Variants in RANBP2 observed in about 807,000 individuals in gnomAD.
RANBP2 encodes RAN binding protein 2.
RANBP2 carries 57 observed loss-of-function variants against 303.6 expected under a neutral mutation model. That is an observed-to-expected ratio of 0.19 (90% CI 0.15 to 0.23). The LOEUF (loss-of-function observed/expected upper bound fraction) is 0.23. Ranked by LOEUF, RANBP2 falls within the 10% of genes least tolerant of loss-of-function variation. RANBP2 has a pLI of 1.00. For synonymous variants in RANBP2, 1,167 were observed against 1,301.5 expected (o/e 0.90, Z 2.23); for missense variants, 3,138 against 3,780.8 (o/e 0.83, Z 4.46).
At chr2:109,761,011 G>T in the RANBP2 span, among the ~76,000 whole-genome samples, 1 of 136,578 alleles carries the variant, frequency 7.3e-6, no homozygotes, top group African/African-American at 2.8e-5. Flanking sequence ...CCCAGCCCAG[G>T]GACTGGTGAT....
the RANBP2 span, among the ~76,000 whole-genome samples, chr2:109,266,449 G>A: frequency 1.3e-5 from 2 of 152,148 alleles, no homozygotes; most frequent in Non-Finnish European, 2.9e-5. Context: ...CTTGACAAGG[G>A]ACACCTATGT....
chr2:109,673,942 A>AT, the RANBP2 span, among the ~76,000 whole-genome samples: 3 of 151,712 alleles, frequency 2.0e-5, no homozygotes, highest in African/African-American at 7.3e-5. Flanking sequence ...TTTAATTTGC[A>AT]TTTTTCTGAA....
the RANBP2 span, among the ~76,000 whole-genome samples, chr2:109,224,968 C>A: frequency 1.3e-5 from 2 of 152,128 alleles, no homozygotes; most frequent in African/African-American, 4.8e-5. Flanking sequence ...ATAACCTTAT[C>A]TTTTTAAAAA....
At chr2:109,608,784 A>C in the RANBP2 span, among the ~76,000 whole-genome samples, 1 of 152,246 alleles carries the variant, frequency 6.6e-6, no homozygotes, top group South Asian at 2.1e-4. Context: ...AAAAAAATTA[A>C]ATTTTCTAAA....
chr2:108,899,960 T>C, the RANBP2 span, among the ~76,000 whole-genome samples: 1 of 152,074 alleles, frequency 6.6e-6, no homozygotes, highest in African/African-American at 2.4e-5. Flanking sequence ...CTCTCCAACC[T>C]GGGTGGCAGA....
chr2:108,972,537 G>GA, the RANBP2 span, among the ~76,000 whole-genome samples: 2 of 152,222 alleles, frequency 1.3e-5, no homozygotes, highest in East Asian at 3.8e-4. Context: ...GGCAGCCTAG[G>GA]AAAAAAGAGA....
At chr2:108,828,084 A>G in the RANBP2 span, among the ~76,000 whole-genome samples, 1 of 152,138 alleles carries the variant, frequency 6.6e-6, no homozygotes, top group East Asian at 1.9e-4. Flanking sequence ...AATAGGAATT[A>G]TTTCATAAAT....
chr2:109,604,379 A>ATGGAAG, the RANBP2 span, among the ~76,000 whole-genome samples: 1 of 25,894 alleles, frequency 3.9e-5, no homozygotes, highest in East Asian at 8.8e-4. Flanking sequence ...AAAGAAGGGA[A>ATGGAAG]GGGAAGGGGA....
chr2:108,726,015 G>A (rs187777059), intron 1 of RANBP2, among the ~76,000 whole-genome samples: 11 of 152,090 alleles, frequency 7.2e-5, no homozygotes, highest in Middle Eastern at 3.4e-3. Flanking sequence ...CTGATTGTTC[G>A]TTGCTGGTAC....
At chr2:109,451,857 C>G in the RANBP2 span, among the ~76,000 whole-genome samples, 1 of 152,368 alleles carries the variant, frequency 6.6e-6, no homozygotes, top group East Asian at 1.9e-4. Context: ...AGTGCGTAGG[C>G]CACGCTTGGG....
At chr2:109,667,385 G>T in the RANBP2 span, 1 of 452,770 alleles carries the variant, frequency 2.2e-6, no homozygotes, top group Non-Finnish European at 4.0e-6. Context: ...GTTTTGATCA[G>T]GAGGGGATGA....
the RANBP2 span, among the ~76,000 whole-genome samples, chr2:109,242,741 G>A: frequency 7.9e-5 from 12 of 152,204 alleles, no homozygotes; most frequent in Non-Finnish European, 1.8e-4. Context: ...GTCCACAGCT[G>A]GGCCTTGATC....
chr2:109,029,139 TA>T, the RANBP2 span, among the ~76,000 whole-genome samples: 4 of 151,150 alleles, frequency 2.6e-5, no homozygotes, highest in Non-Finnish European at 4.4e-5. Flanking sequence ...CAAAAATAAA[TA>T]AAATAAATAA....
chr2:109,396,594 A>G, the RANBP2 span, among the ~76,000 whole-genome samples: 1 of 152,144 alleles, frequency 6.6e-6, no homozygotes, highest in Non-Finnish European at 1.5e-5. Context: ...TCAAGGTGCT[A>G]CCAGCTGCAA....
At chr2:108,833,128 C>T in the RANBP2 span, among the ~76,000 whole-genome samples, 1 of 152,180 alleles carries the variant, frequency 6.6e-6, no homozygotes, top group African/African-American at 2.4e-5. Flanking sequence ...GAGCAGAGCA[C>T]AGGCAATGTT....
At chr2:108,916,918 C>T in the RANBP2 span, among the ~76,000 whole-genome samples, 1 of 152,128 alleles carries the variant, frequency 6.6e-6, no homozygotes, top group African/African-American at 2.4e-5. Context: ...AGATCATTGC[C>T]CAAGGAGCAG....
intron 7 of RANBP2, among the ~76,000 whole-genome samples, chr2:108,743,782 C>T (rs914568350): frequency 6.6e-6 from 1 of 151,982 alleles, no homozygotes; most frequent in African/African-American, 2.4e-5. Context: ...AGATGCCTTG[C>T]TTTTCTAAAT....
the RANBP2 span, among the ~76,000 whole-genome samples, chr2:109,561,830 T>G: frequency 1.3e-5 from 2 of 152,162 alleles, no homozygotes; most frequent in African/African-American, 4.8e-5. Flanking sequence ...AATTTATCAG[T>G]GGGTCCTATG....
At chr2:109,058,444 GA>G in the RANBP2 span, among the ~76,000 whole-genome samples, 1 of 152,210 alleles carries the variant, frequency 6.6e-6, no homozygotes, top group Non-Finnish European at 1.5e-5. Flanking sequence ...CAGCCCTTAG[GA>G]AAAGGCTCTC....
Sources: gnomAD v4.1 joint callset for allele counts (sites outside exome capture counted in the v4.1 genomes callset) on GRCh38, gnomAD v4.1.1 for gene constraint, MANE v1.5 for transcripts, NCBI Gene and HGNC (gene_info 2026-07-23, HGNC 2026-07-21) for gene names.